The following FAM174A variants were observed in gnomAD, a reference collection of about 807,000 sequenced individuals.
FAM174A encodes the protein membrane protein FAM174A.
FAM174A carries 14 observed loss-of-function variants against 14.3 expected under a neutral mutation model. The observed-to-expected ratio is 0.98, with a 90% CI of 0.65 to 1.53. The LOEUF (loss-of-function observed/expected upper bound fraction) is 1.53, where lower values mean the gene tolerates loss of function less well. FAM174A is among the 40% of genes most tolerant of loss of function. FAM174A has a pLI of 0.00. For synonymous variants in FAM174A, 108 were observed against 111.4 expected, an observed-to-expected ratio of 0.97 and a Z score of 0.19; for missense variants, 241 against 249.6, an observed-to-expected ratio of 0.97 and a Z score of 0.23.
At chr5:100,565,072 A>C (rs1746613668) in intron 2 of FAM174A, among the ~76,000 whole-genome samples, 1 of 148,258 alleles carries the variant, frequency 6.7e-6, no homozygotes, top group African/African-American at 2.5e-5. Context: ...AGCAAACCGC[A>C]GGCCAATACT....
chr5:100,538,095 T>C (rs898276512), intron 1 of FAM174A, among the ~76,000 whole-genome samples: 2 of 152,154 alleles, frequency 1.3e-5, no homozygotes, highest in African/African-American at 4.8e-5. Flanking sequence ...ATTCATGCAG[T>C]CCAAGTCCTA....
intron 1 of FAM174A, among the ~76,000 whole-genome samples, chr5:100,544,903 A>C (rs1746134054): frequency 6.6e-6 from 1 of 152,242 alleles, no homozygotes; most frequent in Non-Finnish European, 1.5e-5. Flanking sequence ...TAGCATTTGA[A>C]CATTACTATC....
At chr5:100,555,255 A>G (rs2112377690) in intron 1 of FAM174A, among the ~76,000 whole-genome samples, 1 of 152,088 alleles carries the variant, frequency 6.6e-6, no homozygotes, top group Non-Finnish European at 1.5e-5. Flanking sequence ...AAAGGACATG[A>G]ACTCATCATT....
chr5:100,545,557 G>C (rs77322008), intron 1 of FAM174A, among the ~76,000 whole-genome samples: 1 of 151,974 alleles, frequency 6.6e-6, no homozygotes, highest in Non-Finnish European at 1.5e-5. Context: ...TGTAAAAGGG[G>C]TAATATATAC....
rs183857972 is a variant in FAM174A at position 100,542,621 on chromosome 5, A to G, written c.434+6657A>G. On this transcript the variant is annotated intron_variant, in intron 1 of 2. Coordinates refer to ENST00000312637, the MANE Select transcript of FAM174A (RefSeq NM_198507.3). ...GGTGTTCCCTCTGAGATGTAAATCT[A>G]TCATACTATGTGTGTGCTTATAATC... 1.0e-3 allele frequency among the ~76,000 whole-genome samples: 158 copies of G among 152,272 alleles called. 2 individuals carry two copies. In the East Asian group the frequency reaches 0.023, roughly 22 times the overall value.
intron 2 of FAM174A, among the ~76,000 whole-genome samples, chr5:100,582,552 G>C (rs1215430458): frequency 7.3e-5 from 11 of 151,568 alleles, no homozygotes; most frequent in Non-Finnish European, 1.5e-5. Context: ...TTGGAAGGCA[G>C]GATTTAAATT....
chr5:100,582,799 A>T (rs889203084), intron 2 of FAM174A, among the ~76,000 whole-genome samples: 2 of 152,172 alleles, frequency 1.3e-5, no homozygotes, highest in African/African-American at 4.8e-5. Flanking sequence ...TAGCTTTAGT[A>T]ATCCTCATTT....
intron 2 of FAM174A, among the ~76,000 whole-genome samples, chr5:100,585,369 T>C (rs941393228): frequency 6.6e-6 from 1 of 152,190 alleles, no homozygotes; most frequent in Admixed American, 6.5e-5. Context: ...AGCATCTACA[T>C]TTATTTTATC....
chr5:100,549,627 C>G (rs1746224742), intron 1 of FAM174A, among the ~76,000 whole-genome samples: 1 of 148,898 alleles, frequency 6.7e-6, no homozygotes, highest in African/African-American at 2.5e-5. Flanking sequence ...TTTTTTTGAC[C>G]TTTGGGTGTT....
At chr5:100,575,241 A>T (rs1472987514) in intron 2 of FAM174A, among the ~76,000 whole-genome samples, 2 of 151,764 alleles carry the variant, frequency 1.3e-5, no homozygotes, top group African/African-American at 4.8e-5. Flanking sequence ...TCTACAGTAT[A>T]ACTTTTATAT....
rs1014538200 is a variant in FAM174A at position 100,567,137 on chromosome 5, G to A, written c.569+4949G>A. ...AAGAATTGGTTATAATAATGGTAAA[G>A]CATGTTTCAGGGATAAGAATGAAAT... On this transcript the variant is annotated intron_variant, in intron 2 of 2. Transcript: ENST00000312637. 1.2e-4 allele frequency among the ~76,000 whole-genome samples: 18 copies of A among 151,846 alleles called. 1 individual carries two copies. The highest frequency in any genetic ancestry group is 7.9e-4 in the Admixed American group (12 of 15,170).
In FAM174A at chr5:100,535,641, C is replaced by G. The variant is rs747652880; in HGVS notation, c.111C>G (p.Ala37=). ...CCCTGGCAGTCCTGCTGCAGGCAGC[C>G]GAGGCCGCGCCAGGTCTTGGGCCTC... ...SGPLAVLLQA[A]EAAPGLGPPD... The change falls in exon 1 of 3, where the codon GCC becomes GCG. Residue 37 remains alanine, a synonymous_variant. Transcript: ENST00000312637. The G allele has an allele frequency of 1.3e-5, 21 of 1,612,794 alleles. No individual in the cohort carries two copies. The highest frequency in any genetic ancestry group is 1.8e-5 in the Non-Finnish European group (21 of 1,179,910).
intron 1 of FAM174A, among the ~76,000 whole-genome samples, chr5:100,555,582 T>C (rs7735025): frequency 0.24 from 36,338 of 150,578 alleles, 4,703 homozygotes; most frequent in Admixed American, 0.34. Context: ...ACATCCTCTC[T>C]AGCACCTGTT....
intron 1 of FAM174A, 44 bp downstream of exon 1, chr5:100,536,008 C>A: frequency 6.7e-7 from 1 of 1,502,684 alleles, no homozygotes; most frequent in East Asian, 2.3e-5. Flanking sequence ...GCCTGAGATA[C>A]GCAGGCCGGT....
At chr5:100,567,154 G>C (rs1746672726) in intron 2 of FAM174A, among the ~76,000 whole-genome samples, 1 of 151,782 alleles carries the variant, frequency 6.6e-6, no homozygotes, top group Admixed American at 6.6e-5. Flanking sequence ...TCAGGGATAA[G>C]AATGAAATCA....
rs545847549 is a variant in FAM174A at position 100,562,192 on chromosome 5, A to G, written c.569+4A>G. ...TTGATGCCAATCATCCTCGAAGGTA[A>G]GTATTCCAGTAGTTTAATTCCATGA... On this transcript the variant is annotated splice_donor_region_variant and intron_variant, in intron 2 of 2. Transcript: ENST00000312637. 1.5e-4 allele frequency: 236 copies of G among 1,569,234 alleles called. 1 individual carries two copies. In the South Asian group the frequency reaches 1.9e-3, roughly 13 times the overall value.
intron 2 of FAM174A, among the ~76,000 whole-genome samples, chr5:100,576,251 G>GT (rs1297482739): frequency 6.6e-6 from 1 of 151,844 alleles, no homozygotes; most frequent in African/African-American, 2.4e-5. Context: ...TAAAGGAAGT[G>GT]TTTTTTTTCA....
At chr5:100,546,965 T>C (rs1746175710) in intron 1 of FAM174A, among the ~76,000 whole-genome samples, 1 of 152,126 alleles carries the variant, frequency 6.6e-6, no homozygotes, top group Non-Finnish European at 1.5e-5. Context: ...TTTGACTCCT[T>C]TAGTCTTTAT....
At chr5:100,579,930 T>C (rs144543767) in intron 2 of FAM174A, among the ~76,000 whole-genome samples, 56 of 152,336 alleles carry the variant, frequency 3.7e-4, no homozygotes, top group Non-Finnish European at 7.1e-4. Context: ...GGCAAGCATG[T>C]ATGGGATTCA....
Sources: gnomAD v4.1 joint callset for allele counts (sites outside exome capture counted in the v4.1 genomes callset) on GRCh38, gnomAD v4.1.1 for gene constraint, MANE v1.5 for transcripts, NCBI Gene and HGNC (gene_info 2026-07-23, HGNC 2026-07-21) for gene names.